The following SNX18 variants were observed in gnomAD, a reference collection of about 807,000 sequenced individuals.
SNX18 encodes sorting nexin 18.
In SNX18, 35 loss-of-function variants were observed where a neutral mutation model predicts 48.7. The ratio of observed to expected loss-of-function variants is 0.72; its 90% CI spans 0.55 to 0.95. SNX18 has a LOEUF of 0.95. Ranked by LOEUF, SNX18 falls within the 40% of genes least tolerant of loss-of-function variation. The probability of loss-of-function intolerance (pLI) is 0.00; values close to 1 mark genes in which losing one functional copy is unlikely to be tolerated. For missense variants in SNX18, 824 were observed against 871.0 expected, an observed-to-expected ratio of 0.95 and a Z score of 0.68; for synonymous variants, 492 against 384.7, an observed-to-expected ratio of 1.28 and a Z score of -3.26.
At chr5:54,529,768 T>C (rs974615602) in intron 1 of SNX18, among the ~76,000 whole-genome samples, 6 of 152,210 alleles carry the variant, frequency 3.9e-5, no homozygotes, top group Non-Finnish European at 8.8e-5. Context: ...TGTGTAACCT[T>C]GGGCCACACA....
the SNX18 span, among the ~76,000 whole-genome samples, chr5:54,580,351 A>T: frequency 6.6e-6 from 1 of 152,202 alleles, no homozygotes; most frequent in East Asian, 1.9e-4. Context: ...GGTACTTTTT[A>T]AAAAGCATGA....
At chr5:54,519,993 C>T (rs1761986901) in intron 1 of SNX18, 2 of 628,498 alleles carry the variant, frequency 3.2e-6, no homozygotes, top group East Asian at 2.8e-5. Context: ...TGGAGAAGAA[C>T]GGATGTCTGT....
At chr5:54,579,177 C>CA in the SNX18 span, among the ~76,000 whole-genome samples, 491 of 151,616 alleles carry the variant, frequency 3.2e-3, 1 homozygote, top group Non-Finnish European at 5.5e-3. Context: ...CCAGTCTCTA[C>CA]AAAAAAATAC....
intron 1 of SNX18, among the ~76,000 whole-genome samples, chr5:54,539,636 T>G (rs1027676578): frequency 1.1e-4 from 16 of 152,054 alleles, no homozygotes; most frequent in Admixed American, 7.9e-4. Flanking sequence ...TGACGGTGCT[T>G]TGTGGTGTGT....
chr5:54,601,697 G>A, the SNX18 span, among the ~76,000 whole-genome samples: 1 of 152,104 alleles, frequency 6.6e-6, no homozygotes, highest in Non-Finnish European at 1.5e-5. Context: ...CGTCCCCATA[G>A]TCCCCACTGG....
the SNX18 span, among the ~76,000 whole-genome samples, chr5:54,585,850 A>C: frequency 2.0e-5 from 3 of 151,994 alleles, no homozygotes; most frequent in East Asian, 5.8e-4. Flanking sequence ...AAAAATACAA[A>C]AAAAAATAGC....
chr5:54,581,779 G>A, the SNX18 span, among the ~76,000 whole-genome samples: 1 of 152,184 alleles, frequency 6.6e-6, no homozygotes, highest in East Asian at 1.9e-4. Flanking sequence ...TCCTCCACGT[G>A]GGTGGTGCTG....
chr5:54,602,191 A>AG, the SNX18 span, among the ~76,000 whole-genome samples: 2 of 152,098 alleles, frequency 1.3e-5, no homozygotes, highest in African/African-American at 4.8e-5. Context: ...GTGGAATTGG[A>AG]GGGGTGATTG....
At position 54,518,738 on chromosome 5, in the gene SNX18, G is replaced by A. The variant is rs1196224588; in HGVS notation, c.786G>A (p.Leu262=). ...VKDGDKLCVV[L]GPYGPEWQEN... The stretch of plus-strand genomic sequence containing the variant: ...ACGGGGACAAGCTGTGCGTGGTGCT[G>A]GGGCCCTATGGCCCCGAGTGGCAGG... The change falls in exon 1 of 2, where the codon CTG becomes CTA. Residue 262 remains leucine, a synonymous_variant. Coordinates refer to ENST00000381410, the MANE Select transcript of SNX18 (RefSeq NM_001102575.2). 6 of 1,605,488 alleles carry A rather than the reference G, an allele frequency of 3.7e-6. No homozygotes were observed. Among genetic ancestry groups the A allele is most frequent in the Non-Finnish European group, 5.1e-6 (6 of 1,175,678 alleles).
At chr5:54,611,756 G>A in the SNX18 span, among the ~76,000 whole-genome samples, 1 of 152,156 alleles carries the variant, frequency 6.6e-6, no homozygotes, top group Non-Finnish European at 1.5e-5. Context: ...GTGGGGGTGG[G>A]GGCTGGAAAT....
the SNX18 span, among the ~76,000 whole-genome samples, chr5:54,593,368 C>T: frequency 3.9e-5 from 6 of 152,096 alleles, no homozygotes; most frequent in African/African-American, 1.4e-4. Context: ...GGAGAAACTA[C>T]AGCAAGTTAA....
At chr5:54,542,375 G>A (rs1340860361) in intron 1 of SNX18, among the ~76,000 whole-genome samples, 2 of 152,142 alleles carry the variant, frequency 1.3e-5, no homozygotes, top group Admixed American at 1.3e-4. Context: ...TCATCATTAG[G>A]GCAGAGTTAA....
the SNX18 span, among the ~76,000 whole-genome samples, chr5:54,551,714 T>C: frequency 2.0e-5 from 3 of 152,160 alleles, no homozygotes; most frequent in Admixed American, 6.5e-5. Context: ...TTAATTCTTT[T>C]CCAATTTACT....
the SNX18 span, among the ~76,000 whole-genome samples, chr5:54,604,617 A>C: frequency 6.6e-6 from 1 of 152,220 alleles, no homozygotes; most frequent in East Asian, 1.9e-4. Context: ...TGGGAGAAGC[A>C]GGTAATAGGG....
At chr5:54,547,708 G>A (rs1762596495), downstream of SNX18, among the ~76,000 whole-genome samples, 1 of 152,146 alleles carries the variant, frequency 6.6e-6, no homozygotes, top group African/African-American at 2.4e-5. Flanking sequence ...TATGAAGAGT[G>A]AGAGAAAGGG....
At chr5:54,568,629 C>G in the SNX18 span, among the ~76,000 whole-genome samples, 1 of 152,158 alleles carries the variant, frequency 6.6e-6, no homozygotes, top group Non-Finnish European at 1.5e-5. Flanking sequence ...TTTTCAGTCA[C>G]GCTGCTTCCA....
the SNX18 span, among the ~76,000 whole-genome samples, chr5:54,607,407 G>A: frequency 1.3e-5 from 2 of 152,070 alleles, no homozygotes; most frequent in African/African-American, 2.4e-5. Flanking sequence ...CATTATGTGC[G>A]TAATAAACCT....
At chr5:54,626,554 G>A in the SNX18 span, among the ~76,000 whole-genome samples, 3 of 152,190 alleles carry the variant, frequency 2.0e-5, no homozygotes, top group Non-Finnish European at 4.4e-5. Flanking sequence ...GGCTGTTTGT[G>A]TCTGGATGAA....
the SNX18 span, among the ~76,000 whole-genome samples, chr5:54,592,948 G>A: frequency 6.6e-6 from 1 of 152,134 alleles, no homozygotes; most frequent in Non-Finnish European, 1.5e-5. Context: ...TTATAGGCGT[G>A]TGCCACCACA....
Sources: allele counts gnomAD v4.1 joint callset (sites outside exome capture counted in the v4.1 genomes callset), GRCh38; gene constraint gnomAD v4.1.1; transcripts MANE v1.5; gene names NCBI Gene and HGNC (gene_info 2026-07-23, HGNC 2026-07-21).